Variants in ZNF862 observed in about 807,000 individuals in gnomAD.
The protein encoded by ZNF862 is zinc finger protein 862.
In ZNF862, 64 loss-of-function variants were observed where a neutral mutation model predicts 91.1. That is an observed-to-expected ratio of 0.70 (90% CI 0.57 to 0.87). The LOEUF (loss-of-function observed/expected upper bound fraction) is 0.87. Among genes scored for constraint, ZNF862 ranks in the 40% least tolerant of loss-of-function variants. ZNF862 has a pLI of 0.00. For missense variants in ZNF862, 1,459 were observed against 1,528.0 expected (o/e 0.95, Z 0.75); for synonymous variants, 631 against 618.1 (o/e 1.02, Z -0.31).
intron 4 of ZNF862, among the ~76,000 whole-genome samples, chr7:149,849,562 G>T (rs942374559): frequency 2.6e-5 from 4 of 152,202 alleles, no homozygotes; most frequent in African/African-American, 7.2e-5. Context: ...GTTCCTCCTA[G>T]AGCTGACATC....
rs1346676773 is a variant in ZNF862 at position 149,862,005 on chromosome 7, G to C, written c.2845G>C (p.Val949Leu). ...DRPPQLKNME[V>L]FDTMAWPSGI... ...ACCCCCACAGCTGAAGAACATGGAG[G>C]TGTTTGACACCATGGCCTGGCCAAG... The change falls in exon 7 of 8, where the codon GTG becomes CTG. Residue 949 changes from valine to leucine, a missense_variant. Transcript: ENST00000223210. 8 of 1,613,848 alleles carry C rather than the reference G, an allele frequency of 5.0e-6. No individual in the cohort carries two copies. The highest frequency in any genetic ancestry group is 6.8e-6 in the Non-Finnish European group (8 of 1,179,896).
rs1383107177 is a variant in ZNF862, at chr7:149,838,596, C to T, written c.-16C>T. On this transcript the variant is annotated 5_prime_UTR_variant, in exon 1 of 8. Coordinates refer to ENST00000223210, the MANE Select transcript of ZNF862 (RefSeq NM_001099220.3). ...CGCGGGGGGAGGGGGCGGCACGGGC[C>T]TCCGAAAGCGGGGCCATGGAGCCCA... 4.1e-6 allele frequency: 5 copies of T among 1,221,980 alleles called. No individual in the cohort carries two copies. Among genetic ancestry groups the T allele is most frequent in the Admixed American group, 4.2e-5 (1 of 23,670 alleles). 75.7% of individuals were successfully genotyped at this position (1,221,980 alleles called of 1,614,324 possible).
chr7:149,850,428 C>T lies in ZNF862; in HGVS notation c.1117+90C>T, dbSNP rs375545795. ...TGTGGCTTGTGGTTATCTTCCCATTCCTGCCCCCTCCCTGTGTGTAGGCAG... is the reference window on the plus strand; with the variant it reads ...TGTGGCTTGTGGTTATCTTCCCATTTCTGCCCCCTCCCTGTGTGTAGGCAG... On this transcript the variant is annotated intron_variant, in intron 5 of 7. Coordinates refer to ENST00000223210, the MANE Select transcript of ZNF862 (RefSeq NM_001099220.3). This position sits in a 1 kb window ranked among gnomAD's most constrained non-coding sequence, Gnocchi z 4.2. 3.0e-6 allele frequency: 4 copies of T among 1,340,374 alleles called. No homozygotes were observed. Among genetic ancestry groups the T allele is most frequent in the Admixed American group, 2.2e-5 (1 of 46,290 alleles). The allele number at this position is 1,340,374 out of a possible 1,614,324, so 83.0% of individuals were successfully genotyped here. A position where few individuals can be genotyped will look rare whatever the true frequency, so the allele number is the denominator to read the frequency against.
At position 149,848,436 on chromosome 7, in the gene ZNF862, A is replaced by G. The variant is rs1444348511; in HGVS notation, c.939+4A>G. On this transcript the variant is annotated splice_donor_region_variant and intron_variant, in intron 4 of 7. Coordinates refer to ENST00000223210, the MANE Select transcript of ZNF862 (RefSeq NM_001099220.3). ...TGCAGTAGAATCCTGCATTCAGGTAATACGTTTATAATGATTGCTGTATCT... is the reference window on the plus strand; with the variant it reads ...TGCAGTAGAATCCTGCATTCAGGTAGTACGTTTATAATGATTGCTGTATCT... 1.3e-6 allele frequency: 2 copies of G among 1,507,414 alleles called. No homozygotes were observed. The highest frequency in any genetic ancestry group is 1.4e-5 in the African/African-American group (1 of 71,870). 93.4% of individuals were successfully genotyped at this position (1,507,414 alleles called of 1,614,324 possible).
chr7:149,840,816 A>G (rs894643626), intron 1 of ZNF862: 11 of 376,506 alleles, frequency 2.9e-5, no homozygotes, highest in Non-Finnish European at 3.3e-5. Context: ...AGGCTGTACC[A>G]TGTAGTTTTG....
intron 1 of ZNF862, chr7:149,841,177 C>G: frequency 1.0e-6 from 1 of 985,460 alleles, no homozygotes; most frequent in South Asian, 4.7e-5. Flanking sequence ...AATAGCGGTG[C>G]TGTTCTACAA....
intron 1 of ZNF862, among the ~76,000 whole-genome samples, chr7:149,839,035 C>G (rs1002012977): frequency 6.6e-6 from 1 of 152,218 alleles, no homozygotes; most frequent in African/African-American, 2.4e-5. Context: ...TTGACCCTGC[C>G]TAGATCCTCC....
At position 149,860,401 on chromosome 7, in the gene ZNF862, C is replaced by T. The variant is rs764354146; in HGVS notation, c.1241C>T (p.Ala414Val). The T allele has an allele frequency of 2.5e-6, 4 of 1,610,536 alleles. No individual in the cohort carries two copies. Among genetic ancestry groups the T allele is most frequent in the Non-Finnish European group, 3.4e-6 (4 of 1,178,184 alleles). The change falls in exon 7 of 8, where the codon GCA becomes GTA. Residue 414 changes from alanine to valine, a missense_variant. Transcript: ENST00000223210. The stretch of plus-strand genomic sequence containing the variant: ...TCCAAAGGGAACAAGAAGATGGTGG[C>T]AGTGAGAGAGGCAGACACACAGGCC... ...GRPPGNKKMVAVREADTQASA... is the reference protein window; with the variant it reads ...GRPPGNKKMVVVREADTQASA...
At position 149,861,732 on chromosome 7, in the gene ZNF862, T is replaced by C; in HGVS notation, c.2572T>C (p.Cys858Arg). Residue 858 changes from cysteine (C) to arginine (R), a missense_variant, in exon 7 of 8, where the codon TGC (cysteine) becomes CGC (arginine). Physicochemically the swap from Cys to Arg is radical, Grantham distance 180. Coordinates refer to ENST00000223210, the MANE Select transcript of ZNF862 (RefSeq NM_001099220.3). This position sits in a 1 kb window ranked among gnomAD's most constrained non-coding sequence, Gnocchi z 6.7. ...LSIYRPLSEV[C>R]QKEIVLITEV... ...CATCTACAGGCCTCTGTCCGAGGTG[T>C]GCCAGAAGGAGATCGTGCTGATTAC... 1.2e-6 allele frequency: 2 copies of C among 1,613,546 alleles called. No individual in the cohort carries two copies. The highest frequency in any genetic ancestry group is 1.7e-6 in the Non-Finnish European group (2 of 1,179,802).
chr7:149,855,460 A>G lies in ZNF862; in HGVS notation c.1118-3962A>G, dbSNP rs1343107810. Reference sequence around the variant, plus strand: ...TTCTCCCACCCCCTGCTGGTTTCAGAATTTCTGACTCATCCTCAGTGGGAA... The same window carrying G: ...TTCTCCCACCCCCTGCTGGTTTCAGGATTTCTGACTCATCCTCAGTGGGAA... On this transcript the variant is annotated intron_variant, in intron 5 of 7. Coordinates refer to ENST00000223210, the MANE Select transcript of ZNF862 (RefSeq NM_001099220.3). This position sits in a 1 kb window ranked among gnomAD's most constrained non-coding sequence, Gnocchi z 4.1. 6.6e-6 allele frequency among the ~76,000 whole-genome samples: 1 copy of G among 152,106 alleles called. No individual in the cohort carries two copies. The highest frequency in any genetic ancestry group is 2.4e-5 in the African/African-American group (1 of 41,414).
At chr7:149,852,337 TTGTGTGTG>T (rs10674865) in intron 5 of ZNF862, among the ~76,000 whole-genome samples, 11 of 140,510 alleles carry the variant, frequency 7.8e-5, no homozygotes, top group Middle Eastern at 7.3e-3. Flanking sequence ...GAACTCAGTT[TTGTGTGTG>T]TGTGTGTGTG....
intron 3 of ZNF862, 138 bp downstream of exon 3, chr7:149,846,393 A>G (rs1357376055): frequency 7.8e-6 from 5 of 644,128 alleles, no homozygotes; most frequent in Non-Finnish European, 1.4e-5. Flanking sequence ...GTGCCATCTG[A>G]TTAATACCTA....
intron 6 of ZNF862, chr7:149,859,812 G>C: frequency 2.7e-6 from 1 of 374,806 alleles, no homozygotes; most frequent in Non-Finnish European, 4.8e-6. Context: ...TGGTCTCGAG[G>C]AGCCAGGGGA....
Position 149,862,056 on chromosome 7 carries a change from AATG to A in ZNF862, c.2901_2903del (p.Asp968del), listed in dbSNP as rs1487452641. The A allele has an allele frequency of 6.2e-7, 1 of 1,613,710 alleles. No individual in the cohort carries two copies. The highest frequency in any genetic ancestry group is 1.7e-5 in the Admixed American group (1 of 60,012). The stretch of plus-strand genomic sequence containing the variant: ...TGGGATTGAACTTGCCAGTTTTGGG[AATG>A]ATGACATTCTCAACCTGGCCAGGTA... On this transcript the variant is annotated inframe_deletion, in exon 7 of 8. Coordinates refer to ENST00000223210, the MANE Select transcript of ZNF862 (RefSeq NM_001099220.3).
At chr7:149,862,819 T>G (rs1196201242) in intron 7 of ZNF862, among the ~76,000 whole-genome samples, 1 of 152,248 alleles carries the variant, frequency 6.6e-6, no homozygotes, top group South Asian at 2.1e-4. Flanking sequence ...TGGTTTCTCA[T>G]CTGCCGAATG....
Position 149,850,101 on chromosome 7 carries a change from G to T in ZNF862, c.940-60G>T. 6.5e-7 allele frequency: 1 copy of T among 1,538,180 alleles called. No homozygotes were observed. The highest frequency in any genetic ancestry group is 8.8e-7 in the Non-Finnish European group (1 of 1,136,678). On this transcript the variant is annotated intron_variant, in intron 4 of 7. Coordinates refer to ENST00000223210, the MANE Select transcript of ZNF862 (RefSeq NM_001099220.3). This position sits in a 1 kb window ranked among gnomAD's most constrained non-coding sequence, Gnocchi z 4.2. Reference sequence around the variant, plus strand: ...AATAGGGCTTCCAAAGGCCCCAGAAGTGTCACGTGGGAGTCTGGCTCGGCA... The same window carrying T: ...AATAGGGCTTCCAAAGGCCCCAGAATTGTCACGTGGGAGTCTGGCTCGGCA...
chr7:149,848,251 G>A lies in ZNF862; in HGVS notation c.758G>A (p.Ser253Asn). ...YPPGPLGGFDSMAELLPSSRA... is the reference protein window; with the variant it reads ...YPPGPLGGFDNMAELLPSSRA... Reference sequence around the variant, plus strand: ...CCAGGGCCTCTGGGAGGATTTGATAGCATGGCTGAGCTCCTGCCAAGTTCA... The same window carrying A: ...CCAGGGCCTCTGGGAGGATTTGATAACATGGCTGAGCTCCTGCCAAGTTCA... The change falls in exon 4 of 8, where the codon AGC becomes AAC. Residue 253 changes from serine to asparagine, a missense_variant. Ser to Asn is a conservative substitution (Grantham distance 46, BLOSUM62 1). Coordinates refer to ENST00000223210, the MANE Select transcript of ZNF862 (RefSeq NM_001099220.3). 2 of 1,613,078 alleles carry A rather than the reference G, an allele frequency of 1.2e-6. 1 individual carries two copies. Among genetic ancestry groups the A allele is most frequent in the Non-Finnish European group, 1.7e-6 (2 of 1,179,472 alleles).
At position 149,862,520 on chromosome 7, in the gene ZNF862, C is replaced by T. The variant is rs753998558; in HGVS notation, c.3334+26C>T. ...GTAAGTACACGTGGCAGAGCTCCCC[C>T]AAGGCAGCCTCATGCTGAGCCAGAG... On this transcript the variant is annotated intron_variant, in intron 7 of 7. Coordinates refer to ENST00000223210, the MANE Select transcript of ZNF862 (RefSeq NM_001099220.3). 7 of 1,550,996 alleles carry T rather than the reference C, an allele frequency of 4.5e-6. No homozygotes were observed. In the South Asian group the frequency reaches 8.6e-5, roughly 19 times the overall value.
Position 149,861,609 on chromosome 7 carries a change from G to C in ZNF862, c.2449G>C (p.Ala817Pro). ...CAGGCACCTCCAGAGGGTGGCAGAG[G>C]CTGGGGGCCAGATTGGGCACCGGGC... is the stretch of plus-strand genomic sequence containing the variant. ...LARHLQRVAEAGGQIGHRAKG... is the reference protein window; with the variant it reads ...LARHLQRVAEPGGQIGHRAKG... Residue 817 changes from alanine to proline, a missense_variant, in exon 7 of 8, where the codon GCT becomes CCT. Transcript: ENST00000223210. This position sits in a 1 kb window ranked among gnomAD's most constrained non-coding sequence, Gnocchi z 6.7. 1.9e-6 allele frequency: 3 copies of C among 1,601,378 alleles called. No homozygotes were observed. The highest frequency in any genetic ancestry group is 2.6e-6 in the Non-Finnish European group (3 of 1,176,168).
Sources: allele counts gnomAD v4.1 joint callset (sites outside exome capture counted in the v4.1 genomes callset), GRCh38; gene constraint gnomAD v4.1.1; non-coding constraint Gnocchi (gnomAD v3.1); transcripts MANE v1.5; gene names NCBI Gene and HGNC (gene_info 2026-07-23, HGNC 2026-07-21).